Variants in NSMCE2 observed in about 807,000 individuals in gnomAD.
NSMCE2 encodes the protein NSE2 SUMO ligase component of SMC5/6 complex.
A neutral mutation model predicts 23.8 loss-of-function variants in NSMCE2; 24 were observed. That is an observed-to-expected ratio of 1.01 (90% CI 0.73 to 1.42). The LOEUF is 1.42. Ranked by LOEUF, NSMCE2 falls within the 40% of genes most tolerant of loss-of-function variation. The probability of loss-of-function intolerance (pLI) is 0.00; values close to 1 mark genes in which losing one functional copy is unlikely to be tolerated. For missense variants in NSMCE2, 284 were observed against 296.5 expected (o/e 0.96, Z 0.31); for synonymous variants, 92 against 94.1 (o/e 0.98, Z 0.13).
intron 4 of NSMCE2, among the ~76,000 whole-genome samples, chr8:125,174,846 A>T (rs1254636088): frequency 6.6e-6 from 1 of 152,228 alleles, no homozygotes; most frequent in Admixed American, 6.5e-5. Context: ...AGTCAAAACC[A>T]TGCTAAATAA....
intron 5 of NSMCE2, among the ~76,000 whole-genome samples, chr8:125,259,793 T>C (rs1285604542): frequency 2.0e-5 from 3 of 152,224 alleles, no homozygotes; most frequent in Non-Finnish European, 4.4e-5. Context: ...GGTAATGTTA[T>C]CTCATTCATA....
chr8:125,366,928 AC>A lies in NSMCE2; in HGVS notation c.*47del. 2 of 1,106,700 alleles carry A rather than the reference AC, an allele frequency of 1.8e-6. No individual in the cohort carries two copies. The highest frequency in any genetic ancestry group is 2.8e-6 in the Non-Finnish European group (2 of 718,600). The allele number at this position is 1,106,700 out of a possible 1,614,324, so 68.6% of individuals were successfully genotyped here. A position where few individuals can be genotyped will look rare whatever the true frequency, so the allele number is the denominator to read the frequency against. On this transcript the variant is annotated 3_prime_UTR_variant, in exon 8 of 8. Coordinates refer to ENST00000287437, the MANE Select transcript of NSMCE2 (RefSeq NM_173685.4). ...CAGGGACACCAGCAGCCTACCTCCTACCCCAGCTGTCTGTTGAGAGCAGTGC... is the reference window on the plus strand; with the variant it reads ...CAGGGACACCAGCAGCCTACCTCCTACCCAGCTGTCTGTTGAGAGCAGTGC...
At chr8:125,290,157 TA>T (rs548145927) in intron 5 of NSMCE2, among the ~76,000 whole-genome samples, 1 of 151,884 alleles carries the variant, frequency 6.6e-6, no homozygotes, top group Non-Finnish European at 1.5e-5. Flanking sequence ...TTCATGACGT[TA>T]AAAAAAACTC....
At chr8:125,126,072 C>T (rs1819503159) in intron 3 of NSMCE2, among the ~76,000 whole-genome samples, 1 of 152,038 alleles carries the variant, frequency 6.6e-6, no homozygotes, top group Admixed American at 6.5e-5. Context: ...ATACAAACAT[C>T]CTTGAAAACT....
chr8:125,222,238 A>T (rs1412818421), intron 5 of NSMCE2, among the ~76,000 whole-genome samples: 1 of 151,576 alleles, frequency 6.6e-6, no homozygotes, highest in Non-Finnish European at 1.5e-5. Context: ...ATTTTTTAAA[A>T]TTTTTTAATT....
intron 5 of NSMCE2, among the ~76,000 whole-genome samples, chr8:125,334,144 A>G (rs1829988731): frequency 6.6e-6 from 1 of 152,142 alleles, no homozygotes; most frequent in South Asian, 2.1e-4. Flanking sequence ...TGTTCAGTTC[A>G]CTTTGTCCTT....
intron 5 of NSMCE2, among the ~76,000 whole-genome samples, chr8:125,267,363 T>C (rs1826967738): frequency 6.6e-6 from 1 of 152,152 alleles, no homozygotes; most frequent in Non-Finnish European, 1.5e-5. Flanking sequence ...GTGAGACAAA[T>C]ATGTGTAAAG....
intron 5 of NSMCE2, among the ~76,000 whole-genome samples, chr8:125,229,168 A>G (rs1825218172): frequency 6.6e-6 from 1 of 152,218 alleles, no homozygotes; most frequent in African/African-American, 2.4e-5. Flanking sequence ...ACCACAACAG[A>G]AGTCCAAGCA....
At chr8:125,230,687 A>G (rs1825288738) in intron 5 of NSMCE2, among the ~76,000 whole-genome samples, 1 of 148,948 alleles carries the variant, frequency 6.7e-6, no homozygotes, top group Non-Finnish European at 1.5e-5. Context: ...CTTTTTTATT[A>G]CTTAATGGAT....
chr8:125,311,927 G>A (rs952166554), intron 5 of NSMCE2, among the ~76,000 whole-genome samples: 35 of 151,928 alleles, frequency 2.3e-4, no homozygotes, highest in African/African-American at 7.3e-4. Flanking sequence ...AATTAGCCAG[G>A]CATGGTGGCG....
At chr8:125,324,572 C>CT (rs1189623667) in intron 5 of NSMCE2, among the ~76,000 whole-genome samples, 840 of 59,312 alleles carry the variant, frequency 0.014, 94 homozygotes, top group African/African-American at 0.021. Flanking sequence ...TGATAAAATT[C>CT]TTTTTTTTTT....
chr8:125,190,213 C>CT (rs1268666253), intron 5 of NSMCE2, among the ~76,000 whole-genome samples: 1 of 152,240 alleles, frequency 6.6e-6, no homozygotes, highest in Non-Finnish European at 1.5e-5. Flanking sequence ...CTGTCTGACT[C>CT]TTTTCTGTGT....
chr8:125,214,232 GTC>G (rs1824477556), intron 5 of NSMCE2, among the ~76,000 whole-genome samples: 1 of 152,156 alleles, frequency 6.6e-6, no homozygotes, highest in Admixed American at 6.5e-5. Context: ...AATACCAAGG[GTC>G]AATAGCAGGC....
At chr8:125,276,042 G>A (rs1361264847) in intron 5 of NSMCE2, among the ~76,000 whole-genome samples, 1 of 152,162 alleles carries the variant, frequency 6.6e-6, no homozygotes, top group African/African-American at 2.4e-5. Context: ...CCCGCACTGG[G>A]TCTTCTGTCC....
intron 3 of NSMCE2, among the ~76,000 whole-genome samples, chr8:125,128,638 G>A (rs1434793238): frequency 6.6e-5 from 10 of 152,194 alleles, no homozygotes; most frequent in Admixed American, 6.5e-4. Flanking sequence ...GCAAAGTGTG[G>A]CAGGGCCATG....
intron 5 of NSMCE2, among the ~76,000 whole-genome samples, chr8:125,281,780 A>G (rs926797013): frequency 7.4e-5 from 11 of 147,912 alleles, no homozygotes; most frequent in African/African-American, 2.3e-4. Context: ...GGGTCTTGCT[A>G]TGTTGCCCAG....
At chr8:125,268,625 T>C (rs1375152739) in intron 5 of NSMCE2, among the ~76,000 whole-genome samples, 5 of 152,138 alleles carry the variant, frequency 3.3e-5, no homozygotes, top group Admixed American at 3.3e-4. Context: ...TATTTAGAAA[T>C]TGCATATCCA....
intron 5 of NSMCE2, among the ~76,000 whole-genome samples, chr8:125,322,710 A>G (rs1044189445): frequency 1.3e-5 from 2 of 152,244 alleles, no homozygotes; most frequent in African/African-American, 2.4e-5. Context: ...TGAAAATCCA[A>G]TGAAATCTAC....
At chr8:125,102,552 G>C in intron 3 of NSMCE2, 65 bp downstream of exon 3, 1 of 1,349,342 alleles carries the variant, frequency 7.4e-7, no homozygotes, top group East Asian at 2.3e-5. Flanking sequence ...GTATTTATCT[G>C]GGGGTGCCTT....
Sources: gnomAD v4.1 joint callset for allele counts (sites outside exome capture counted in the v4.1 genomes callset) on GRCh38, gnomAD v4.1.1 for gene constraint, MANE v1.5 for transcripts, NCBI Gene and HGNC (gene_info 2026-07-23, HGNC 2026-07-21) for gene names.